Variants in TBXAS1 observed in about 807,000 individuals in gnomAD.
TBXAS1 encodes the protein thromboxane A synthase 1, also known as thromboxane-A synthase.
Under a neutral mutation model 60.7 loss-of-function variants are expected in TBXAS1, and 48 were observed. The observed-to-expected ratio is 0.79, with a 90% CI of 0.63 to 1.01. TBXAS1 has a LOEUF of 1.01. TBXAS1 is among the 50% of genes least tolerant of loss of function. TBXAS1 has a pLI of 0.00. For synonymous variants in TBXAS1, 287 were observed against 269.7 expected, an observed-to-expected ratio of 1.06 and a Z score of -0.63; for missense variants, 685 against 686.3, an observed-to-expected ratio of 1.00 and a Z score of 0.02.
chr7:139,813,308 G>A (rs1464900603), intron 4 of TBXAS1, among the ~76,000 whole-genome samples: 1 of 152,062 alleles, frequency 6.6e-6, no homozygotes, highest in African/African-American at 2.4e-5. Context: ...CAGGATGTGA[G>A]TAACCTCCAC....
chr7:140,017,919 G>A (rs1815226100), intron 12 of TBXAS1, 86 bp downstream of exon 12: 12 of 1,582,008 alleles, frequency 7.6e-6, no homozygotes, highest in Middle Eastern at 1.9e-4. Flanking sequence ...GCCAGCCTGG[G>A]GGCAACATCA....
intron 4 of TBXAS1, among the ~76,000 whole-genome samples, chr7:139,799,965 C>T (rs1254284461): frequency 6.6e-6 from 1 of 152,196 alleles, no homozygotes; most frequent in Non-Finnish European, 1.5e-5. Context: ...AGAGTTTCCA[C>T]TTCTAGGTTC....
At chr7:139,849,184 G>T (rs1375491339) in intron 1 of TBXAS1, among the ~76,000 whole-genome samples, 2 of 151,952 alleles carry the variant, frequency 1.3e-5, no homozygotes, top group East Asian at 3.9e-4. Context: ...CTCGAGACCA[G>T]CCTGGGCAAT....
At chr7:139,899,517 T>C (rs2116981989) in intron 3 of TBXAS1, among the ~76,000 whole-genome samples, 1 of 152,388 alleles carries the variant, frequency 6.6e-6, no homozygotes, top group East Asian at 1.9e-4. Flanking sequence ...CAAGTGGTTA[T>C]TTTTGTCTAC....
chr7:139,951,292 G>A (rs538654887), intron 5 of TBXAS1, among the ~76,000 whole-genome samples: 14 of 152,206 alleles, frequency 9.2e-5, no homozygotes, highest in South Asian at 6.2e-4. Context: ...CTGGCTTTGC[G>A]ATTGACGTGT....
At chr7:139,829,610 C>T in intron 1 of TBXAS1, 131 bp downstream of exon 1, 5 of 829,530 alleles carry the variant, frequency 6.0e-6, no homozygotes, top group Admixed American at 2.1e-5. Context: ...AGTATTAACA[C>T]AGCTTCAGAA....
At chr7:139,969,972 C>T (rs1018583134) in intron 9 of TBXAS1, among the ~76,000 whole-genome samples, 3 of 152,204 alleles carry the variant, frequency 2.0e-5, no homozygotes, top group South Asian at 2.1e-4. Context: ...AAAGTGGCAA[C>T]GGGCTGTGGC....
intron 3 of TBXAS1, among the ~76,000 whole-genome samples, chr7:139,884,112 A>G (rs1802898587): frequency 6.6e-6 from 1 of 152,248 alleles, no homozygotes; most frequent in Non-Finnish European, 1.5e-5. Flanking sequence ...TAAGATTCTG[A>G]GAAACCTCTG....
chr7:139,886,644 C>T (rs1803136656), intron 3 of TBXAS1, among the ~76,000 whole-genome samples: 1 of 152,154 alleles, frequency 6.6e-6, no homozygotes, highest in African/African-American at 2.4e-5. Flanking sequence ...TACTCCCTGG[C>T]TTGTGCCACC....
intron 3 of TBXAS1, among the ~76,000 whole-genome samples, chr7:139,890,920 C>T (rs1179577241): frequency 2.6e-5 from 4 of 152,018 alleles, no homozygotes; most frequent in Non-Finnish European, 5.9e-5. Context: ...CATGTTCTTG[C>T]AAATTGTGCA....
rs1261044662 is a variant in TBXAS1, at chr7:139,778,992, C to G, written c.-318+521C>G. 1.3e-5 allele frequency among the ~76,000 whole-genome samples: 2 copies of G among 152,134 alleles called. No homozygotes were observed. The highest frequency in any genetic ancestry group is 2.9e-5 in the Non-Finnish European group (2 of 68,014). The stretch of plus-strand genomic sequence containing the variant: ...GAAGGCAACCAGCTTTCAAAAAGAA[C>G]GAAATGGAATCCAATAGAAAATATT... On this transcript the variant is annotated intron_variant, in intron 1 of 16. Transcript: ENST00000336425. The surrounding 1 kb of genome is among the most constrained non-coding windows in gnomAD (Gnocchi z 4.8).
chr7:139,853,659 C>T (rs902003250), intron 1 of TBXAS1, among the ~76,000 whole-genome samples: 2 of 152,134 alleles, frequency 1.3e-5, no homozygotes, highest in Non-Finnish European at 2.9e-5. Context: ...CCCCTCTGGG[C>T]TCTAATTTAA....
chr7:139,980,351 T>C (rs1811875975), intron 9 of TBXAS1, among the ~76,000 whole-genome samples: 1 of 152,078 alleles, frequency 6.6e-6, no homozygotes, highest in Non-Finnish European at 1.5e-5. Context: ...CCCTAATGAG[T>C]TGAGAATCAA....
intron 4 of TBXAS1, among the ~76,000 whole-genome samples, chr7:139,935,442 T>C (rs1807674170): frequency 6.6e-6 from 1 of 152,240 alleles, no homozygotes; most frequent in African/African-American, 2.4e-5. Flanking sequence ...TCAGAATTGG[T>C]TGAATCCACA....
At chr7:139,907,457 G>C (rs1168432951) in intron 3 of TBXAS1, among the ~76,000 whole-genome samples, 1 of 152,146 alleles carries the variant, frequency 6.6e-6, no homozygotes, top group Non-Finnish European at 1.5e-5. Flanking sequence ...GGTCATGAGA[G>C]ATACTGGTCT....
chr7:139,931,255 C>T (rs1446713356), intron 4 of TBXAS1, among the ~76,000 whole-genome samples: 1 of 152,128 alleles, frequency 6.6e-6, no homozygotes, highest in African/African-American at 2.4e-5. Context: ...ACATTGATTT[C>T]ATGACTGATC....
intron 4 of TBXAS1, among the ~76,000 whole-genome samples, chr7:139,798,902 C>G (rs1282848229): frequency 6.6e-6 from 1 of 152,164 alleles, no homozygotes; most frequent in Non-Finnish European, 1.5e-5. Flanking sequence ...GACCTCAGAT[C>G]TTAGTTCTGG....
intron 5 of TBXAS1, among the ~76,000 whole-genome samples, chr7:139,937,228 A>G (rs1807865093): frequency 6.6e-6 from 1 of 152,202 alleles, no homozygotes; most frequent in Non-Finnish European, 1.5e-5. Context: ...TCAGGTACAC[A>G]GGCATCTCTA....
chr7:139,889,841 A>C (rs1245450836), intron 3 of TBXAS1, among the ~76,000 whole-genome samples: 1 of 152,200 alleles, frequency 6.6e-6, no homozygotes, highest in African/African-American at 2.4e-5. Flanking sequence ...TAAGATTTCA[A>C]CATATGAATC....
Sources: allele counts gnomAD v4.1 joint callset (sites outside exome capture counted in the v4.1 genomes callset), GRCh38; gene constraint gnomAD v4.1.1; non-coding constraint Gnocchi (gnomAD v3.1); transcripts MANE v1.5; gene names NCBI Gene and HGNC (gene_info 2026-07-23, HGNC 2026-07-21).